Variants in TNFRSF21 observed in about 807,000 individuals in gnomAD.
TNFRSF21 encodes TNF receptor superfamily member 21, also known as tumor necrosis factor receptor superfamily member 21.
TNFRSF21 carries 19 observed loss-of-function variants against 45.6 expected under a neutral mutation model. That is an observed-to-expected ratio of 0.42 (90% CI 0.29 to 0.61). TNFRSF21 has a LOEUF of 0.61. TNFRSF21 is among the 20% of genes least tolerant of loss of function. TNFRSF21 has a pLI of 0.23. For synonymous variants in TNFRSF21, 314 were observed against 335.5 expected, an observed-to-expected ratio of 0.94 and a Z score of 0.70; for missense variants, 737 against 851.5, an observed-to-expected ratio of 0.87 and a Z score of 1.67.
At chr6:47,273,483 A>G (rs915656380) in intron 3 of TNFRSF21, among the ~76,000 whole-genome samples, 2 of 152,202 alleles carry the variant, frequency 1.3e-5, no homozygotes, top group African/African-American at 2.4e-5. Flanking sequence ...AAAAAATCTC[A>G]ATAAACTAGG....
At chr6:47,281,854 GA>G (rs1291700915) in intron 3 of TNFRSF21, among the ~76,000 whole-genome samples, 1 of 150,008 alleles carries the variant, frequency 6.7e-6, no homozygotes, top group Non-Finnish European at 1.5e-5. Context: ...TAATTAAAAA[GA>G]AGGGGGAATT....
chr6:47,288,796 ATT>A (rs1005421762), intron 1 of TNFRSF21, among the ~76,000 whole-genome samples: 5 of 152,144 alleles, frequency 3.3e-5, no homozygotes, highest in African/African-American at 1.2e-4. Flanking sequence ...CTAAACTTTT[ATT>A]TATTTGTCAA....
chr6:47,271,752 G>A (rs1169969280), intron 3 of TNFRSF21, among the ~76,000 whole-genome samples: 1 of 152,044 alleles, frequency 6.6e-6, no homozygotes, highest in Non-Finnish European at 1.5e-5. Context: ...CCATTGTTGT[G>A]CTGTATTCAG....
Position 47,295,345 on chromosome 6 carries a change from T to C in TNFRSF21, c.97-8750A>G, listed in dbSNP as rs115786391. Among the ~76,000 whole-genome samples, 769 of 152,326 alleles carry C rather than the reference T, an allele frequency of 5.0e-3. 6 individuals are homozygous for C. The highest frequency in any genetic ancestry group is 0.017 in the African/African-American group (717 of 41,582). On this transcript the variant is annotated intron_variant, in intron 1 of 5. Transcript: ENST00000296861. ...GTATTTTTGTCATTCTTGTTCCCTA[T>C]CAAATTCTAATTTTTAGCGGAAAAT...
chr6:47,232,644 CACACACACACACACAA>C lies in TNFRSF21; in HGVS notation c.*105_*120del, dbSNP rs879155138. Reference sequence around the variant, plus strand: ...TGTTAAACACACACACACACACACACACACACACACACACAAACACACACACACACCCCAAACAACA... The same window carrying C: ...TGTTAAACACACACACACACACACACACACACACACACACCCCAAACAACA... On this transcript the variant is annotated 3_prime_UTR_variant, in exon 6 of 6. Transcript: ENST00000296861. 1.4e-3 allele frequency: 1,074 copies of C among 784,672 alleles called. 7 individuals carry two copies. In the African/African-American group the frequency reaches 0.015, roughly 11 times the overall value. 48.6% of individuals were successfully genotyped at this position (784,672 alleles called of 1,614,324 possible).
chr6:47,302,080 T>C (rs1179387041), intron 1 of TNFRSF21, among the ~76,000 whole-genome samples: 3 of 152,136 alleles, frequency 2.0e-5, no homozygotes, highest in African/African-American at 7.2e-5. Flanking sequence ...CCAGGACAAA[T>C]GATTAAATAA....
chr6:47,241,148 T>C (rs1210325839), intron 4 of TNFRSF21, among the ~76,000 whole-genome samples: 2 of 152,184 alleles, frequency 1.3e-5, no homozygotes, highest in African/African-American at 4.8e-5. Context: ...ATGTGGTCTT[T>C]AGAGAAGAGG....
At chr6:47,270,551 TG>T (rs1233966417) in intron 3 of TNFRSF21, among the ~76,000 whole-genome samples, 1 of 152,008 alleles carries the variant, frequency 6.6e-6, no homozygotes, top group Non-Finnish European at 1.5e-5. Flanking sequence ...ACCACAAAGA[TG>T]GGGAGAAATC....
At position 47,284,002 on chromosome 6, in the gene TNFRSF21, C is replaced by T; in HGVS notation, c.1179G>A (p.Gly393=). The change falls in exon 3 of 6, where the codon GGG becomes GGA. Residue 393 remains glycine, a synonymous_variant. Transcript: ENST00000296861. ...QDPSAIVEKA[G]LKKSMTPTQN... is the part of the protein sequence containing the mutation. ...GGGTTGGAGTCATGGATTTCTTCAG[C>T]CCTGCCTTTTCCACAATGGCACTGG... The T allele has an allele frequency of 1.9e-6, 3 of 1,614,210 alleles. No homozygotes were observed. Among genetic ancestry groups the T allele is most frequent in the Non-Finnish European group, 2.5e-6 (3 of 1,180,040 alleles).
chr6:47,236,266 A>G (rs959021305), intron 4 of TNFRSF21, among the ~76,000 whole-genome samples: 8 of 152,224 alleles, frequency 5.3e-5, no homozygotes, highest in Non-Finnish European at 7.4e-5. Context: ...CTCTTCCGGC[A>G]TGGATAAAAA....
chr6:47,292,574 G>A (rs1292907658), intron 1 of TNFRSF21, among the ~76,000 whole-genome samples: 1 of 152,174 alleles, frequency 6.6e-6, no homozygotes, highest in African/African-American at 2.4e-5. Flanking sequence ...TTTGGAGACT[G>A]CCCAATCGCA....
rs1561949313 is a variant in TNFRSF21, at chr6:47,284,428, C to T, written c.753G>A (p.Met251Ile). 1 of 1,513,064 alleles carries T rather than the reference C, an allele frequency of 6.6e-7. No homozygotes were observed. Among genetic ancestry groups the T allele is most frequent in the East Asian group, 2.3e-5 (1 of 43,876 alleles). The allele number at this position is 1,513,064 out of a possible 1,614,324, so 93.7% of individuals were successfully genotyped here. A position where few individuals can be genotyped will look rare whatever the true frequency, so the allele number is the denominator to read the frequency against. Residue 251 changes from methionine (M) to isoleucine (I), a missense_variant, in exon 3 of 6, where the codon ATG (methionine) becomes ATA (isoleucine). Met to Ile is a conservative substitution (Grantham distance 10, BLOSUM62 1). Coordinates refer to ENST00000296861, the MANE Select transcript of TNFRSF21 (RefSeq NM_014452.5). ...CAGAAGAGTTGGATTCTGTTGAGTT[C>T]ATGCCTAGAAAAAAGAGTAAGGAGG... ...VPSSTYVPKGMNSTESNSSAS... is the reference protein window; with the variant it reads ...VPSSTYVPKGINSTESNSSAS...
chr6:47,286,150 G>C lies in TNFRSF21; in HGVS notation c.542C>G (p.Ser181Cys). The C allele has an allele frequency of 6.2e-7, 1 of 1,614,186 alleles. No homozygotes were observed. Residue 181 changes from serine to cysteine, a missense_variant, in exon 2 of 6, where the codon TCT becomes TGT. Ser to Cys is a moderately radical substitution (Grantham distance 112). Transcript: ENST00000296861. ...GTATGCTTTGCATTTCATCACACTA[G>C]AAGGCACATCTGAGAAGGTACCCCG... ...CARGTFSDVP[S>C]SVMKCKAYTD... is the part of the protein sequence containing the mutation.
chr6:47,305,884 A>G (rs560197785), intron 1 of TNFRSF21, among the ~76,000 whole-genome samples: 23 of 152,348 alleles, frequency 1.5e-4, no homozygotes, highest in African/African-American at 5.5e-4. Flanking sequence ...GGCAAGGGGC[A>G]TCTCTGACTA....
intron 1 of TNFRSF21, among the ~76,000 whole-genome samples, chr6:47,303,785 AT>A (rs889199472): frequency 1.3e-5 from 2 of 152,186 alleles, no homozygotes; most frequent in Admixed American, 1.3e-4. Context: ...TAGGATTCCC[AT>A]TTTATTTTTT....
At chr6:47,237,136 CA>C (rs1698021435) in intron 4 of TNFRSF21, among the ~76,000 whole-genome samples, 1 of 152,180 alleles carries the variant, frequency 6.6e-6, no homozygotes, top group Non-Finnish European at 1.5e-5. Flanking sequence ...AGCATCACAG[CA>C]GAGCTAACAA....
At chr6:47,284,464 T>C (rs761162842) in intron 2 of TNFRSF21, 32 bp from the exon 3 acceptor site, 2 of 1,502,824 alleles carry the variant, frequency 1.3e-6, no homozygotes, top group East Asian at 4.6e-5. Flanking sequence ...GGGGAAGAGC[T>C]TTTCCATATT....
chr6:47,286,263 G>A lies in TNFRSF21; in HGVS notation c.429C>T (p.Thr143=), dbSNP rs1389278220. 1 of 1,614,204 alleles carries A rather than the reference G, an allele frequency of 6.2e-7. No homozygotes were observed. Among genetic ancestry groups the A allele is most frequent in the Non-Finnish European group, 8.5e-7 (1 of 1,180,036 alleles). The change falls in exon 2 of 6, where the codon ACC becomes ACT. Residue 143 remains threonine, a synonymous_variant. Coordinates refer to ENST00000296861, the MANE Select transcript of TNFRSF21 (RefSeq NM_014452.5). The stretch of plus-strand genomic sequence containing the variant: ...CAGGACACACCGTATGGGGGGCACA[G>A]GTAGCGTTAGACTGGAACATGCCAG... ...CPPGMFQSNA[T]CAPHTVCPVG...
At chr6:47,306,072 G>A (rs1488729059) in intron 1 of TNFRSF21, among the ~76,000 whole-genome samples, 1 of 152,184 alleles carries the variant, frequency 6.6e-6, no homozygotes, top group Non-Finnish European at 1.5e-5. Flanking sequence ...AGATTCTGAA[G>A]ACAAAGCACA....
Sources: allele counts gnomAD v4.1 joint callset (sites outside exome capture counted in the v4.1 genomes callset), GRCh38; gene constraint gnomAD v4.1.1; transcripts MANE v1.5; gene names NCBI Gene and HGNC (gene_info 2026-07-23, HGNC 2026-07-21).